Variants in JAK1 observed in about 807,000 individuals in gnomAD.
JAK1 encodes the protein tyrosine-protein kinase JAK1.
A neutral mutation model predicts 136.6 loss-of-function variants in JAK1; 16 were observed. The observed-to-expected ratio is 0.12, with a 90% CI of 0.08 to 0.18. JAK1 has a LOEUF of 0.18. JAK1 is among the 10% of genes least tolerant of loss of function. JAK1 has a pLI of 1.00. For synonymous variants in JAK1, 492 were observed against 519.5 expected, an observed-to-expected ratio of 0.95 and a Z score of 0.72; for missense variants, 859 against 1,450.1, an observed-to-expected ratio of 0.59 and a Z score of 6.62.
chr1:65,008,613 C>CTCCCCTTCCCCTTCCCCT (rs111991178), intron 2 of JAK1, among the ~76,000 whole-genome samples: 29 of 151,364 alleles, frequency 1.9e-4, no homozygotes, highest in Admixed American at 2.0e-4. Flanking sequence ...ATAAGTCCTG[C>CTCCCCTTCCCCTTCCCCT]TCCCCTTCCC....
rs1309121306 is a variant in JAK1, at chr1:64,850,785, C to T, written c.1755+19G>A. The T allele has an allele frequency of 6.4e-7, 1 of 1,565,874 alleles. No homozygotes were observed. The highest frequency in any genetic ancestry group is 8.8e-7 in the Non-Finnish European group (1 of 1,136,192). The stretch of plus-strand genomic sequence containing the variant: ...GAGGCAGGACCACAGCTGGCCCACA[C>T]CCTGCAGCCGTGACTCACCTGCACC... On this transcript the variant is annotated intron_variant, in intron 12 of 24. Transcript: ENST00000342505.
chr1:64,947,577 C>A (rs1461599024), intron 1 of JAK1, among the ~76,000 whole-genome samples: 3 of 151,816 alleles, frequency 2.0e-5, no homozygotes, highest in Non-Finnish European at 2.9e-5. Flanking sequence ...AGTCCATGAA[C>A]CATGGGTCCT....
At chr1:64,992,187 C>T (rs1646663140) in intron 2 of JAK1, 1 of 151,956 alleles carries the variant, frequency 6.6e-6, no homozygotes, top group South Asian at 2.1e-4. Flanking sequence ...CGAGATCAGC[C>T]TGGCCAACGT....
intron 2 of JAK1, among the ~76,000 whole-genome samples, chr1:65,018,487 A>ACACACACACAC (rs1394294153): frequency 1.0e-5 from 1 of 96,042 alleles, no homozygotes; most frequent in Non-Finnish European, 2.0e-5. Flanking sequence ...AGAGAGAGAG[A>ACACACACACAC]ACACACACAC....
intron 12 of JAK1, among the ~76,000 whole-genome samples, chr1:64,850,172 G>C (rs1428535611): frequency 6.6e-6 from 1 of 152,120 alleles, no homozygotes; most frequent in East Asian, 1.9e-4. Context: ...TATGCAACAG[G>C]GCTGGGGAGC....
chr1:64,926,605 T>C (rs1316607267), intron 1 of JAK1, among the ~76,000 whole-genome samples: 1 of 152,152 alleles, frequency 6.6e-6, no homozygotes, highest in Non-Finnish European at 1.5e-5. Context: ...GTCCACCTGA[T>C]GAATGCTTAT....
intron 2 of JAK1, among the ~76,000 whole-genome samples, chr1:64,973,418 G>A (rs922225991): frequency 6.6e-6 from 1 of 151,002 alleles, no homozygotes; most frequent in African/African-American, 2.4e-5. Flanking sequence ...GGGGAGGAGG[G>A]CATAAACATT....
At chr1:65,044,117 A>G (rs1462008591) in intron 2 of JAK1, among the ~76,000 whole-genome samples, 1 of 152,180 alleles carries the variant, frequency 6.6e-6, no homozygotes, top group Admixed American at 6.5e-5. Flanking sequence ...TCGGCCTCCC[A>G]AAATGCTGGG....
rs201562675 is a variant in JAK1 at position 64,844,788 on chromosome 1, G to A, written c.2217C>T (p.Asp739=). ...ACAGCACCGTAATGGGGATGCCGGG[G>A]TCACTGAGCTTGATGAATGGGCCAC... is the stretch of plus-strand genomic sequence containing the variant. The part of the protein sequence containing the change: ...SECGPFIKLS[D]PGIPITVLSR... Residue 739 remains aspartate, a synonymous_variant, in exon 16 of 25, where the codon GAC becomes GAT. Transcript: ENST00000342505. The surrounding 1 kb of genome is among the most constrained non-coding windows in gnomAD (Gnocchi z 5.7). The A allele has an allele frequency of 6.2e-7, 1 of 1,614,216 alleles. No homozygotes were observed. Among genetic ancestry groups the A allele is most frequent in the Non-Finnish European group, 8.5e-7 (1 of 1,180,042 alleles).
intron 2 of JAK1, among the ~76,000 whole-genome samples, chr1:65,016,466 A>G (rs1367086656): frequency 6.6e-6 from 1 of 152,166 alleles, no homozygotes; most frequent in Non-Finnish European, 1.5e-5. Flanking sequence ...TACAAAAAAT[A>G]CAAAAATTAG....
intron 2 of JAK1, among the ~76,000 whole-genome samples, chr1:65,023,848 G>A (rs1646956077): frequency 6.6e-6 from 1 of 151,546 alleles, no homozygotes; most frequent in Non-Finnish European, 1.5e-5. Flanking sequence ...GCATGTAAAT[G>A]GAGTCATACC....
At chr1:64,908,577 C>T (rs1645229344) in intron 1 of JAK1, among the ~76,000 whole-genome samples, 1 of 152,122 alleles carries the variant, frequency 6.6e-6, no homozygotes, top group Non-Finnish European at 1.5e-5. Context: ...ATGGTTAAGT[C>T]TTCTATCTTG....
upstream of JAK1, among the ~76,000 whole-genome samples, chr1:64,967,831 C>A (rs545285604): frequency 1.7e-4 from 26 of 151,996 alleles, no homozygotes; most frequent in Non-Finnish European, 2.5e-4. Flanking sequence ...CAAAGAAGAC[C>A]GGAGATCAGA....
chr1:64,844,284 C>T lies in JAK1; in HGVS notation c.2252-69G>A, dbSNP rs1021237150. 263 of 1,573,212 alleles carry T rather than the reference C, an allele frequency of 1.7e-4. No individual in the cohort carries two copies. The highest frequency in any genetic ancestry group is 2.0e-4 in the Non-Finnish European group (234 of 1,143,934). ...CCTAGGGATTCAATTACTGTCACTGCAGCCAGAACAGTGAGCCAATGAAGG... is the reference window on the plus strand; with the variant it reads ...CCTAGGGATTCAATTACTGTCACTGTAGCCAGAACAGTGAGCCAATGAAGG... On this transcript the variant is annotated intron_variant, in intron 16 of 24. Coordinates refer to ENST00000342505, the MANE Select transcript of JAK1 (RefSeq NM_002227.4). The surrounding 1 kb of genome is among the most constrained non-coding windows in gnomAD (Gnocchi z 5.7).
intron 1 of JAK1, among the ~76,000 whole-genome samples, chr1:64,936,292 G>A (rs1024963537): frequency 6.6e-6 from 1 of 152,108 alleles, no homozygotes; most frequent in African/African-American, 2.4e-5. Context: ...GGCCAAATAA[G>A]CCTCTACATT....
At chr1:64,923,021 G>A (rs1413272113) in intron 1 of JAK1, among the ~76,000 whole-genome samples, 1 of 152,146 alleles carries the variant, frequency 6.6e-6, no homozygotes, top group Non-Finnish European at 1.5e-5. Flanking sequence ...AAGTAAATTT[G>A]GAATACAAGC....
intron 1 of JAK1, among the ~76,000 whole-genome samples, chr1:64,892,280 T>C (rs1309659180): frequency 6.6e-6 from 1 of 151,936 alleles, no homozygotes; most frequent in Non-Finnish European, 1.5e-5. Flanking sequence ...AGTATGTGCT[T>C]TTTTGGGGGG....
intron 1 of JAK1, among the ~76,000 whole-genome samples, chr1:64,907,886 C>T (rs891294620): frequency 4.6e-5 from 7 of 152,152 alleles, no homozygotes; most frequent in African/African-American, 1.7e-4. Flanking sequence ...CCAGCTCACA[C>T]CAAAACTGTA....
Position 64,989,361 on chromosome 1 carries a change from AAAT to A in JAK1, c.-78+55116_-78+55118del, listed in dbSNP as rs1449205958. 2 of 150,506 alleles carry A rather than the reference AAAT, an allele frequency of 1.3e-5. 1 individual carries two copies. The highest frequency in any genetic ancestry group is 4.9e-5 in the African/African-American group (2 of 40,816). 9.3% of individuals were successfully genotyped at this position (150,506 alleles called of 1,614,324 possible). A position where few individuals can be genotyped will look rare whatever the true frequency, so the allele number is the denominator to read the frequency against. Reference sequence around the variant, plus strand: ...TAAATAAATAAATAAATAAATAAATAAATAAATAAAATAAACTCAAAAATGGTA... The same window carrying A: ...TAAATAAATAAATAAATAAATAAATAAAATAAAATAAACTCAAAAATGGTA... On this transcript the variant is annotated intron_variant, in intron 2 of 25. Transcript: ENST00000671954.
Sources: allele counts gnomAD v4.1 joint callset (sites outside exome capture counted in the v4.1 genomes callset), GRCh38; gene constraint gnomAD v4.1.1; non-coding constraint Gnocchi (gnomAD v3.1); transcripts MANE v1.5; gene names NCBI Gene and HGNC (gene_info 2026-07-23, HGNC 2026-07-21).